The following DLGAP2 variants were observed in gnomAD, a reference collection of about 807,000 sequenced individuals.
The protein encoded by DLGAP2 is DLG associated protein 2, also known as disks large-associated protein 2.
DLGAP2 carries 26 observed loss-of-function variants against 100.3 expected under a neutral mutation model. That is an observed-to-expected ratio of 0.26 (90% confidence interval 0.19 to 0.36). The LOEUF (loss-of-function observed/expected upper bound fraction) is 0.36. Among genes scored for constraint, DLGAP2 ranks in the 10% least tolerant of loss-of-function variants. The probability of loss-of-function intolerance (pLI) is 1.00; values close to 1 mark genes in which losing one functional copy is unlikely to be tolerated. For missense variants in DLGAP2, 1,858 were observed against 1,453.2 expected (o/e 1.28, Z -4.53); for synonymous variants, 886 against 630.1 (o/e 1.41, Z -6.08).
intron 3 of DLGAP2, among the ~76,000 whole-genome samples, chr8:1,319,751 G>A (rs1219748801): frequency 6.6e-6 from 1 of 152,136 alleles, no homozygotes; most frequent in African/African-American, 2.4e-5. Context: ...CAGCTTTGGG[G>A]GACAGTTTCC....
At chr8:1,411,832 A>C (rs1796739121) in intron 3 of DLGAP2, among the ~76,000 whole-genome samples, 1 of 152,212 alleles carries the variant, frequency 6.6e-6, no homozygotes, top group Admixed American at 6.5e-5. Context: ...TTCCCTAATC[A>C]GCTCTGCCCT....
intron 3 of DLGAP2, among the ~76,000 whole-genome samples, chr8:1,287,153 TGTGTGCGCGCGC>T (rs1799940477): frequency 7.8e-6 from 1 of 127,794 alleles, no homozygotes; most frequent in African/African-American, 2.8e-5. Context: ...TGTGTGTGTG[TGTGTGCGCGCGC>T]GCGCGTGGTT....
At position 1,565,730 on chromosome 8, in the gene DLGAP2, G is replaced by C. The variant is rs767385484; in HGVS notation, c.1278G>C (p.Glu426Asp). Residue 426 changes from glutamate (E) to aspartate (D), a missense_variant, in exon 6 of 15, where the codon GAG (glutamate) becomes GAC (aspartate). Physicochemically the swap from Glu to Asp is conservative, Grantham distance 45. Transcript: ENST00000637795. ...WGGYPTGGKD[E>D]EIPCRRMRSG... ...GGTACCCCACCGGTGGCAAAGATGA[G>C]GAGATTCCCTGCAGGAGAATGAGAA... The C allele has an allele frequency of 6.2e-7, 1 of 1,613,630 alleles. No homozygotes were observed. The highest frequency in any genetic ancestry group is 8.5e-7 in the Non-Finnish European group (1 of 1,179,756).
intron 2 of DLGAP2, among the ~76,000 whole-genome samples, chr8:1,072,324 C>G (rs1803459429): frequency 6.6e-6 from 1 of 152,140 alleles, no homozygotes; most frequent in African/African-American, 2.4e-5. Flanking sequence ...AAAAAGCTTC[C>G]TATTCATTAA....
intron 3 of DLGAP2, among the ~76,000 whole-genome samples, chr8:1,286,890 A>C (rs918544199): frequency 1.3e-5 from 2 of 152,258 alleles, no homozygotes; most frequent in Non-Finnish European, 2.9e-5. Flanking sequence ...ACCAATTCTC[A>C]GTAGAATGAG....
At chr8:1,305,140 G>C (rs1800458140) in intron 3 of DLGAP2, among the ~76,000 whole-genome samples, 1 of 152,178 alleles carries the variant, frequency 6.6e-6, no homozygotes, top group South Asian at 2.1e-4. Flanking sequence ...AAAAAAGCTT[G>C]CTCTGTCACT....
chr8:1,662,456 A>T (rs1309763943), intron 8 of DLGAP2, among the ~76,000 whole-genome samples: 1 of 152,232 alleles, frequency 6.6e-6, no homozygotes, highest in Non-Finnish European at 1.5e-5. Context: ...AAGGATTCTG[A>T]CGTGCACTCT....
At chr8:1,102,974 G>A (rs1804635149) in intron 2 of DLGAP2, among the ~76,000 whole-genome samples, 1 of 151,588 alleles carries the variant, frequency 6.6e-6, no homozygotes, top group Non-Finnish European at 1.5e-5. Context: ...GGGTCTTCAT[G>A]AGATTCTGGG....
At chr8:930,306 C>T (rs754760028) in intron 2 of DLGAP2, among the ~76,000 whole-genome samples, 11 of 152,198 alleles carry the variant, frequency 7.2e-5, no homozygotes, top group Non-Finnish European at 1.5e-5. Context: ...GCTCTGCCGG[C>T]CACCAGCGTT....
chr8:988,045 G>A (rs1346713412), intron 2 of DLGAP2, among the ~76,000 whole-genome samples: 5 of 152,072 alleles, frequency 3.3e-5, no homozygotes, highest in African/African-American at 1.2e-4. Context: ...CACCTGACTG[G>A]GGAGGAAACT....
intron 2 of DLGAP2, among the ~76,000 whole-genome samples, chr8:1,217,226 C>G (rs1005420794): frequency 6.6e-6 from 1 of 152,158 alleles, no homozygotes; most frequent in Non-Finnish European, 1.5e-5. Context: ...TTTTCTGTCT[C>G]TGTGTTAGTT....
At chr8:863,432 G>C (rs1415952051) in intron 1 of DLGAP2, among the ~76,000 whole-genome samples, 1 of 152,192 alleles carries the variant, frequency 6.6e-6, no homozygotes, top group Admixed American at 6.5e-5. Flanking sequence ...TCATTTCTGT[G>C]TAAACAGATA....
chr8:884,474 T>A (rs1022935606), intron 1 of DLGAP2, among the ~76,000 whole-genome samples: 4 of 152,126 alleles, frequency 2.6e-5, no homozygotes, highest in African/African-American at 9.6e-5. Context: ...TTGCCCACTT[T>A]TCGATGTTTT....
intron 3 of DLGAP2, chr8:1,299,796 C>G (rs2116990234): frequency 6.6e-6 from 1 of 152,286 alleles, no homozygotes; most frequent in Middle Eastern, 3.4e-3. Flanking sequence ...AAGAATGGAT[C>G]TGAAGCAACT....
At chr8:1,625,093 C>T (rs1797458362) in intron 6 of DLGAP2, among the ~76,000 whole-genome samples, 1 of 152,156 alleles carries the variant, frequency 6.6e-6, no homozygotes, top group Non-Finnish European at 1.5e-5. Context: ...AGAAAAACCA[C>T]ACCAAGGGTT....
intron 2 of DLGAP2, among the ~76,000 whole-genome samples, chr8:1,241,526 A>G (rs927611977): frequency 5.9e-5 from 9 of 152,260 alleles, no homozygotes; most frequent in African/African-American, 2.2e-4. Context: ...GTAGCCCTAC[A>G]GAGGAAGCAG....
Position 1,095,786 on chromosome 8 carries a change from G to C in DLGAP2, c.74-163065G>C, listed in dbSNP as rs149614614. On this transcript the variant is annotated intron_variant, in intron 2 of 14. Transcript: ENST00000637795. The stretch of plus-strand genomic sequence containing the variant: ...GTAACATAAAAACCTTCTAATTCTA[G>C]AATGCAAAGTAAATAGGTAATAAAG... Among the ~76,000 whole-genome samples, 1,442 of 152,198 alleles carry C rather than the reference G, an allele frequency of 9.5e-3. 21 individuals are homozygous for C. Among genetic ancestry groups the C allele is most frequent in the African/African-American group, 0.033 (1,388 of 41,502 alleles).
intron 3 of DLGAP2, among the ~76,000 whole-genome samples, chr8:1,362,424 G>A (rs558426961): frequency 8.6e-5 from 13 of 150,492 alleles, no homozygotes; most frequent in Admixed American, 2.0e-4. Flanking sequence ...CCGTCACAGC[G>A]CCCTCGGGAG....
At chr8:795,082 C>T (rs1195123004) in intron 1 of DLGAP2, among the ~76,000 whole-genome samples, 1 of 152,158 alleles carries the variant, frequency 6.6e-6, no homozygotes, top group Non-Finnish European at 1.5e-5. Context: ...TGTTTAGATA[C>T]CTGACTGCAT....
Sources: gnomAD v4.1 joint callset for allele counts (sites outside exome capture counted in the v4.1 genomes callset) on GRCh38, gnomAD v4.1.1 for gene constraint, MANE v1.5 for transcripts, NCBI Gene and HGNC (gene_info 2026-07-23, HGNC 2026-07-21) for gene names.